Variants in SIPA1L3 observed in about 807,000 individuals in gnomAD.
SIPA1L3 encodes signal induced proliferation associated 1 like 3.
Under a neutral mutation model 150.1 loss-of-function variants are expected in SIPA1L3, and 59 were observed. That is an observed-to-expected ratio of 0.39 (90% CI 0.32 to 0.49). The LOEUF is 0.49. SIPA1L3 is among the 20% of genes least tolerant of loss of function. The pLI, the probability that SIPA1L3 is intolerant of heterozygous loss-of-function variation, is 0.86. For synonymous variants in SIPA1L3, 1,070 were observed against 1,077.6 expected (o/e 0.99, Z 0.14); for missense variants, 2,211 against 2,489.5 (o/e 0.89, Z 2.38).
intron 15 of SIPA1L3, 147 bp downstream of exon 15, chr19:38,165,053 C>A: frequency 1.3e-6 from 1 of 784,846 alleles, no homozygotes; most frequent in Non-Finnish European, 1.9e-6. Context: ...AATTGAGGAG[C>A]TCGTGGATCT....
rs1028652632 is a variant in SIPA1L3, at chr19:38,164,964, T to C, written c.4208+58T>C. ...ACCTTCCACTTCGCCAGTTCTACTT[T>C]TACGGTCCTGATGGTGGGGTTCTCC... is the stretch of plus-strand genomic sequence containing the variant. On this transcript the variant is annotated intron_variant, in intron 15 of 21. Transcript: ENST00000222345. The surrounding 1 kb of genome is among the most constrained non-coding windows in gnomAD (Gnocchi z 4.1). The C allele has an allele frequency of 2.1e-6, 3 of 1,443,002 alleles. No individual in the cohort carries two copies. The highest frequency in any genetic ancestry group is 2.8e-6 in the Non-Finnish European group (3 of 1,088,532). 89.4% of individuals were successfully genotyped at this position (1,443,002 alleles called of 1,614,324 possible).
intron 12 of SIPA1L3, 109 bp downstream of exon 12, chr19:38,142,819 TTCTG>T (rs1971622899): frequency 7.2e-7 from 1 of 1,392,052 alleles, no homozygotes; most frequent in Non-Finnish European, 9.8e-7. Context: ...TTTATGGTGT[TTCTG>T]GACCCCTGAA....
intron 1 of SIPA1L3, among the ~76,000 whole-genome samples, chr19:37,975,802 G>A (rs1433036614): frequency 6.6e-6 from 1 of 152,004 alleles, no homozygotes; most frequent in Non-Finnish European, 1.5e-5. Flanking sequence ...ACCCCCAGGA[G>A]GCATTCAGAA....
intron 19 of SIPA1L3, among the ~76,000 whole-genome samples, 192 bp downstream of exon 19, chr19:38,198,724 G>A (rs1025568795): frequency 1.9e-4 from 29 of 152,220 alleles, no homozygotes; most frequent in African/African-American, 6.5e-4. Context: ...TGATGCCAGC[G>A]AACCACGTTG....
At position 38,201,873 on chromosome 19, in the gene SIPA1L3, G is replaced by A. The variant is rs138940498; in HGVS notation, c.4996G>A (p.Val1666Ile). The A allele has an allele frequency of 2.1e-5, 34 of 1,611,370 alleles. No individual in the cohort carries two copies. Among genetic ancestry groups the A allele is most frequent in the Middle Eastern group, 3.3e-4 (2 of 6,068 alleles). ...AAKAYEVQRA[V>I]SLFSLNDPAL... ...TCCCTCCCTGGCAGTGCAAAGAGCC[G>A]TCTCACTCTTCTCTCTGAACGACCC... The change falls in exon 20 of 22, where the codon GTC (valine) becomes ATC (isoleucine). Residue 1666 changes from valine to isoleucine, a missense_variant. By Grantham distance (29) the Val-to-Ile change is conservative (BLOSUM62 3). Around this residue, in one of 5 missense-constraint regions of SIPA1L3, gnomAD observed 806 missense variants for 870.1 expected, o/e 0.93. Transcript: ENST00000222345.
intron 16 of SIPA1L3, 136 bp downstream of exon 16, chr19:38,182,876 G>A: frequency 1.5e-6 from 1 of 656,154 alleles, no homozygotes; most frequent in Admixed American, 3.1e-5. Context: ...CACTGGGGCT[G>A]CAGCTGCAAG....
intron 1 of SIPA1L3, among the ~76,000 whole-genome samples, chr19:38,020,608 G>C (rs1355481683): frequency 1.3e-5 from 2 of 152,228 alleles, no homozygotes; most frequent in African/African-American, 4.8e-5. Context: ...CACAGTGCCT[G>C]TGTGCCAGTG....
At chr19:38,073,472 CCACT>C (rs1028735255) in intron 2 of SIPA1L3, among the ~76,000 whole-genome samples, 1 of 152,238 alleles carries the variant, frequency 6.6e-6, no homozygotes, top group Non-Finnish European at 1.5e-5. Context: ...TCTCCCACTG[CCACT>C]CACTCCTCAT....
At chr19:38,105,940 TA>T in intron 6 of SIPA1L3, among the ~76,000 whole-genome samples, 1 of 152,174 alleles carries the variant, frequency 6.6e-6, no homozygotes, top group African/African-American at 2.4e-5. Context: ...GAGAGATTGC[TA>T]AAAAGTTTTC....
chr19:37,908,751 A>G (rs995264507), intron 1 of SIPA1L3, among the ~76,000 whole-genome samples: 2 of 152,046 alleles, frequency 1.3e-5, no homozygotes, highest in Admixed American at 1.3e-4. Context: ...AACACACTAT[A>G]GTAGAAAGGC....
rs144818011 is a variant in SIPA1L3 at position 38,159,417 on chromosome 19, C to T, written c.3662-2836C>T. Among the ~76,000 whole-genome samples the T allele has an allele frequency of 8.6e-3, 1,314 of 152,326 alleles. 18 individuals are homozygous for T. Among genetic ancestry groups the T allele is most frequent in the Non-Finnish European group, 0.01 (711 of 68,030 alleles). ...GTGGCCTCAGCAGTGACCTCCTCCCCCTCAGCCTCAGGTCCCACTCCTGTA... is the reference window on the plus strand; with the variant it reads ...GTGGCCTCAGCAGTGACCTCCTCCCTCTCAGCCTCAGGTCCCACTCCTGTA... On this transcript the variant is annotated intron_variant, in intron 13 of 21. Coordinates refer to ENST00000222345, the MANE Select transcript of SIPA1L3 (RefSeq NM_015073.3).
chr19:38,092,549 A>G (rs531528793), intron 4 of SIPA1L3, among the ~76,000 whole-genome samples: 7 of 152,178 alleles, frequency 4.6e-5, no homozygotes, highest in Non-Finnish European at 1.0e-4. Context: ...CACCTACAAA[A>G]CTAGCCGTGG....
Position 37,908,441 on chromosome 19 carries a change from C to T in SIPA1L3, c.-379+1083C>T, listed in dbSNP as rs565691167. ...TGACTGTGGGCTGTGACATGACAGC[C>T]CTGAGCTCCCCCACACATTTGCTCC... On this transcript the variant is annotated intron_variant, in intron 1 of 21. Coordinates refer to ENST00000222345, the MANE Select transcript of SIPA1L3 (RefSeq NM_015073.3). 2.6e-5 allele frequency among the ~76,000 whole-genome samples: 4 copies of T among 152,298 alleles called. No homozygotes were observed. The East Asian group carries it at 7.7e-4, about 29-fold the overall frequency.
At chr19:38,031,349 A>G (rs1439945305) in intron 2 of SIPA1L3, among the ~76,000 whole-genome samples, 1 of 152,076 alleles carries the variant, frequency 6.6e-6, no homozygotes, top group Non-Finnish European at 1.5e-5. Flanking sequence ...TTCTTCCAAG[A>G]GTCTATTCTT....
At chr19:38,171,844 G>A (rs1972335407) in intron 15 of SIPA1L3, among the ~76,000 whole-genome samples, 1 of 152,098 alleles carries the variant, frequency 6.6e-6, no homozygotes, top group Admixed American at 6.6e-5. Context: ...GTAACTGATT[G>A]ACACCCTGTT....
At chr19:38,029,066 C>T (rs1024450394) in intron 1 of SIPA1L3, 23 bp from the exon 2 acceptor site, 1 of 152,242 alleles carries the variant, frequency 6.6e-6, no homozygotes, top group African/African-American at 2.4e-5. Flanking sequence ...AGAGACCTAA[C>T]CTCTTCTTTT....
chr19:38,075,472 T>G (rs916089486), intron 2 of SIPA1L3, among the ~76,000 whole-genome samples: 1 of 146,724 alleles, frequency 6.8e-6, no homozygotes, highest in Non-Finnish European at 1.5e-5. Flanking sequence ...AAAAAGAGAT[T>G]TGCAACTATT....
intron 9 of SIPA1L3, among the ~76,000 whole-genome samples, chr19:38,129,638 A>G (rs1971262987): frequency 6.7e-6 from 1 of 150,134 alleles, no homozygotes; most frequent in Admixed American, 6.6e-5. Context: ...AAAAAAAAAA[A>G]AGAATGGTGT....
intron 2 of SIPA1L3, among the ~76,000 whole-genome samples, chr19:38,060,174 G>A (rs929169411): frequency 2.6e-5 from 4 of 152,164 alleles, no homozygotes; most frequent in African/African-American, 7.2e-5. Context: ...TCTAAATAAC[G>A]TGGTTCCAGT....
Sources: gnomAD v4.1 joint callset for allele counts (sites outside exome capture counted in the v4.1 genomes callset) on GRCh38, gnomAD v4.1.1 for gene constraint, gnomAD v4.1.1 regional missense constraint, Gnocchi (gnomAD v3.1) non-coding constraint, MANE v1.5 for transcripts, NCBI Gene and HGNC (gene_info 2026-07-23, HGNC 2026-07-21) for gene names.